The following DBF4 variants were observed in gnomAD, a reference collection of about 807,000 sequenced individuals.
DBF4 encodes the protein DBF4-CDC7 kinase regulatory subunit, also known as protein DBF4 homolog A.
DBF4 carries 25 observed loss-of-function variants against 76.6 expected under a neutral mutation model. The observed-to-expected ratio is 0.33, with a 90% CI of 0.24 to 0.46. DBF4 has a LOEUF of 0.46. Among genes scored for constraint, DBF4 ranks in the 20% least tolerant of loss-of-function variants. The probability of loss-of-function intolerance (pLI) is 1.00; values close to 1 mark genes in which losing one functional copy is unlikely to be tolerated. For missense variants in DBF4, 638 were observed against 760.8 expected, an observed-to-expected ratio of 0.84 and a Z score of 1.90; for synonymous variants, 213 against 258.0, an observed-to-expected ratio of 0.83 and a Z score of 1.67.
In DBF4 at chr7:87,887,407, T is replaced by C; in HGVS notation, c.520+9T>C. 1 of 1,561,254 alleles carries C rather than the reference T, an allele frequency of 6.4e-7. No individual in the cohort carries two copies. Among genetic ancestry groups the C allele is most frequent in the South Asian group, 1.1e-5 (1 of 87,432 alleles). ...AATTCTTCATATTGATGGTAAGGAT[T>C]TTATAATTGTTTTTTGACAGTATTT... is the stretch of plus-strand genomic sequence containing the variant. On this transcript the variant is annotated intron_variant, in intron 5 of 11. Transcript: ENST00000265728.
chr7:87,885,298 A>G (rs192497321), intron 3 of DBF4, 140 bp downstream of exon 3: 63 of 632,832 alleles, frequency 1.0e-4, no homozygotes, highest in Non-Finnish European at 9.1e-5. Context: ...CTAGTCCTCA[A>G]TAAAGTTGCT....
At chr7:87,881,587 G>T (rs1028075902) in intron 2 of DBF4, among the ~76,000 whole-genome samples, 1 of 152,116 alleles carries the variant, frequency 6.6e-6, no homozygotes, top group Non-Finnish European at 1.5e-5. Flanking sequence ...ACTGGAACAC[G>T]GCTTTGAAGA....
chr7:87,890,276 T>C (rs749025188), intron 6 of DBF4, among the ~76,000 whole-genome samples: 1 of 152,218 alleles, frequency 6.6e-6, no homozygotes, highest in East Asian at 1.9e-4. Flanking sequence ...TGGAGGCTTA[T>C]GCCTCTAATC....
chr7:87,880,683 G>A (rs1010506007), intron 2 of DBF4, among the ~76,000 whole-genome samples: 7 of 151,840 alleles, frequency 4.6e-5, no homozygotes, highest in Admixed American at 1.3e-4. Context: ...CTATAATCTC[G>A]GTGAAAACAT....
At chr7:87,884,459 T>C (rs1839294303) in intron 2 of DBF4, among the ~76,000 whole-genome samples, 1 of 152,236 alleles carries the variant, frequency 6.6e-6, no homozygotes. Flanking sequence ...ATCATGGGCT[T>C]GAGTCAGAAT....
chr7:87,876,768 A>T lies in DBF4; in HGVS notation c.36A>T (p.Gly12=). ...GAGCCATGAGGATCCACAGTAAAGG[A>T]CATTTCCAGGGTAAGAAGCCCCTCC... is the stretch of plus-strand genomic sequence containing the variant. The part of the protein sequence containing the change: ...NSGAMRIHSK[G]HFQGGIQVKN... The change falls in exon 1 of 12, where the codon GGA becomes GGT. Residue 12 remains glycine, a synonymous_variant. Coordinates refer to ENST00000265728, the MANE Select transcript of DBF4 (RefSeq NM_006716.4). 6.2e-7 allele frequency: 1 copy of T among 1,614,106 alleles called. No homozygotes were observed.
intron 6 of DBF4, chr7:87,888,408 A>G (rs1221723587): frequency 3.3e-5 from 26 of 785,572 alleles, no homozygotes; most frequent in Non-Finnish European, 3.7e-5. Context: ...AATATGTACT[A>G]TCCTTTTCAA....
At chr7:87,878,763 A>G (rs1419289953) in intron 2 of DBF4, among the ~76,000 whole-genome samples, 1 of 152,210 alleles carries the variant, frequency 6.6e-6, no homozygotes. Context: ...TAGAAAACTC[A>G]GGCAAAATTC....
intron 8 of DBF4, among the ~76,000 whole-genome samples, chr7:87,897,567 A>G (rs565142147): frequency 6.6e-6 from 1 of 152,352 alleles, no homozygotes; most frequent in South Asian, 2.1e-4. Flanking sequence ...GCTGGTTTAG[A>G]AAAATCATGA....
intron 6 of DBF4, among the ~76,000 whole-genome samples, chr7:87,889,085 A>C (rs1839427406): frequency 6.6e-6 from 1 of 152,226 alleles, no homozygotes; most frequent in South Asian, 2.1e-4. Flanking sequence ...TGGAAAAACC[A>C]GCATGTTAAG....
intron 8 of DBF4, among the ~76,000 whole-genome samples, chr7:87,899,477 A>G (rs1319780755): frequency 6.6e-6 from 1 of 152,216 alleles, no homozygotes; most frequent in Non-Finnish European, 1.5e-5. Flanking sequence ...CAGAGGTGAT[A>G]CACAAATAGC....
chr7:87,877,760 A>C (rs999300419), intron 1 of DBF4, among the ~76,000 whole-genome samples: 1 of 152,238 alleles, frequency 6.6e-6, no homozygotes, highest in African/African-American at 2.4e-5. Context: ...TGGAGTTTAC[A>C]TCCTAAAAAA....
At chr7:87,899,511 C>T (rs1462038247) in intron 8 of DBF4, among the ~76,000 whole-genome samples, 1 of 152,106 alleles carries the variant, frequency 6.6e-6, no homozygotes, top group Non-Finnish European at 1.5e-5. Flanking sequence ...AAAAGATGCT[C>T]AACATTACTA....
chr7:87,883,006 A>G (rs1839254721), intron 2 of DBF4, among the ~76,000 whole-genome samples: 1 of 152,236 alleles, frequency 6.6e-6, no homozygotes, highest in Admixed American at 6.5e-5. Context: ...TATTATTCAC[A>G]ATAGCTAAAA....
At chr7:87,903,220 C>A (rs1396937559) in intron 10 of DBF4, among the ~76,000 whole-genome samples, 2 of 152,180 alleles carry the variant, frequency 1.3e-5, no homozygotes, top group African/African-American at 2.4e-5. Context: ...GTAGTTGGGA[C>A]TACAGGCATG....
intron 6 of DBF4, among the ~76,000 whole-genome samples, chr7:87,892,845 A>G (rs892499320): frequency 6.6e-6 from 1 of 152,140 alleles, no homozygotes. Flanking sequence ...TTTTTCAGCT[A>G]TCTTTCTGTT....
intron 9 of DBF4, 102 bp from the exon 10 acceptor site, chr7:87,900,662 T>C: frequency 1.0e-6 from 1 of 971,484 alleles, no homozygotes; most frequent in Non-Finnish European, 1.5e-6. Flanking sequence ...TACAAGTCTC[T>C]GCAAATTATG....
At chr7:87,889,219 G>A (rs1335523261) in intron 6 of DBF4, among the ~76,000 whole-genome samples, 1 of 151,810 alleles carries the variant, frequency 6.6e-6, no homozygotes, top group Non-Finnish European at 1.5e-5. Flanking sequence ...TCTTCTGGTT[G>A]ACAGTAAAGA....
intron 11 of DBF4, among the ~76,000 whole-genome samples, chr7:87,905,024 C>T (rs927580755): frequency 6.6e-6 from 1 of 152,134 alleles, no homozygotes; most frequent in African/African-American, 2.4e-5. Flanking sequence ...AATCTTGGCT[C>T]ACTGCAACCT....
Sources: allele counts gnomAD v4.1 joint callset (sites outside exome capture counted in the v4.1 genomes callset), GRCh38; gene constraint gnomAD v4.1.1; transcripts MANE v1.5; gene names NCBI Gene and HGNC (gene_info 2026-07-23, HGNC 2026-07-21).